Variants in MAP3K5 observed in about 807,000 individuals in gnomAD.
The protein encoded by MAP3K5 is ASK-1.
Under a neutral mutation model 158.7 loss-of-function variants are expected in MAP3K5, and 56 were observed. That is an observed-to-expected ratio of 0.35 (90% CI 0.28 to 0.44). MAP3K5 has a LOEUF of 0.44. MAP3K5 is among the 20% of genes least tolerant of loss of function. The pLI is 1.00. For synonymous variants in MAP3K5, 579 were observed against 601.7 expected, an observed-to-expected ratio of 0.96 and a Z score of 0.55; for missense variants, 1,294 against 1,674.8, an observed-to-expected ratio of 0.77 and a Z score of 3.97.
chr6:136,606,292 A>C (rs1776097159), intron 18 of MAP3K5, among the ~76,000 whole-genome samples: 1 of 152,184 alleles, frequency 6.6e-6, no homozygotes, highest in South Asian at 2.1e-4. Flanking sequence ...CGGAGGTTGC[A>C]GTGAGCCGAG....
chr6:136,733,466 T>C (rs1054686293), intron 1 of MAP3K5, among the ~76,000 whole-genome samples: 18 of 152,326 alleles, frequency 1.2e-4, no homozygotes, highest in African/African-American at 3.8e-4. Context: ...GAAGAGATAT[T>C]TTCCTGATAT....
At chr6:136,600,309 A>G (rs1775818818) in intron 21 of MAP3K5, among the ~76,000 whole-genome samples, 2 of 149,244 alleles carry the variant, frequency 1.3e-5, no homozygotes, top group South Asian at 2.1e-4. Context: ...CTCCCACCTC[A>G]GCCTCCCTAG....
chr6:136,658,398 T>G (rs1420031347), intron 9 of MAP3K5, among the ~76,000 whole-genome samples: 1 of 135,086 alleles, frequency 7.4e-6, no homozygotes, highest in East Asian at 2.5e-4. Context: ...CACTGCAACC[T>G]CCGCCTCCTG....
chr6:136,557,862 G>A (rs1475749526), intron 29 of MAP3K5, 44 bp from the exon 30 acceptor site: 1 of 1,276,174 alleles, frequency 7.8e-7, no homozygotes, highest in African/African-American at 1.5e-5. Context: ...CATTTCATTT[G>A]AAACATTGCC....
At chr6:136,560,489 A>G (rs1393410139) in intron 28 of MAP3K5, among the ~76,000 whole-genome samples, 1 of 152,146 alleles carries the variant, frequency 6.6e-6, no homozygotes, top group African/African-American at 2.4e-5. Flanking sequence ...AAAAAACAAA[A>G]TCAAAAAAAG....
intron 2 of MAP3K5, among the ~76,000 whole-genome samples, chr6:136,711,713 T>C (rs927119088): frequency 6.6e-6 from 1 of 151,776 alleles, no homozygotes; most frequent in Non-Finnish European, 1.5e-5. Flanking sequence ...AGAAAATACC[T>C]TCTATCTCTC....
chr6:136,621,814 T>C (rs1194269871), intron 15 of MAP3K5, among the ~76,000 whole-genome samples: 5 of 152,178 alleles, frequency 3.3e-5, no homozygotes, highest in Admixed American at 2.0e-4. Flanking sequence ...TTGCCGGGCA[T>C]GGTGGCTCAC....
At chr6:136,660,795 C>T (rs1778973966) in intron 8 of MAP3K5, among the ~76,000 whole-genome samples, 1 of 152,136 alleles carries the variant, frequency 6.6e-6, no homozygotes, top group Non-Finnish European at 1.5e-5. Context: ...GAAAGTGACG[C>T]TAGTTCATCT....
At chr6:136,743,487 A>G (rs1782803479) in intron 1 of MAP3K5, among the ~76,000 whole-genome samples, 1 of 152,120 alleles carries the variant, frequency 6.6e-6, no homozygotes, top group South Asian at 2.1e-4. Context: ...TTGAGATACC[A>G]CTACACACCT....
intron 25 of MAP3K5, among the ~76,000 whole-genome samples, chr6:136,578,211 C>T (rs1243430113): frequency 1.3e-5 from 2 of 152,162 alleles, no homozygotes; most frequent in African/African-American, 2.4e-5. Flanking sequence ...GTTTGACTTC[C>T]TTAGAGCATG....
rs370906742 is a variant in MAP3K5 at position 136,737,029 on chromosome 6, A to ATGTG, written c.449-16444_449-16441dup. On this transcript the variant is annotated intron_variant, in intron 1 of 29. Coordinates refer to ENST00000359015, the MANE Select transcript of MAP3K5 (RefSeq NM_005923.4). ...TGACAAATTAATTTTACATATATAT[A>ATGTG]TGTGTGTGTATATATATATATATAT... 3.9e-4 allele frequency among the ~76,000 whole-genome samples: 47 copies of ATGTG among 120,518 alleles called. 1 individual carries two copies. Among genetic ancestry groups the ATGTG allele is most frequent in the African/African-American group, 1.4e-3 (43 of 31,422 alleles). The allele number at this position is 120,518 out of a possible 152,430, so 79.1% of individuals were successfully genotyped here.
intron 21 of MAP3K5, among the ~76,000 whole-genome samples, chr6:136,593,271 G>C (rs1263568099): frequency 2.6e-5 from 4 of 152,222 alleles, no homozygotes; most frequent in African/African-American, 9.6e-5. Context: ...GACATGAGCT[G>C]CTTCTTTATT....
chr6:136,605,800 GCTCTAT>G (rs1776074288), intron 18 of MAP3K5, among the ~76,000 whole-genome samples: 1 of 152,280 alleles, frequency 6.6e-6, no homozygotes, highest in Admixed American at 6.5e-5. Flanking sequence ...CATTTCCTTA[GCTCTAT>G]CTCTATTTTT....
intron 8 of MAP3K5, among the ~76,000 whole-genome samples, chr6:136,664,619 A>G (rs557390070): frequency 6.6e-6 from 1 of 152,332 alleles, no homozygotes; most frequent in African/African-American, 2.4e-5. Flanking sequence ...TTTAGATCTT[A>G]AGATTCAAGT....
chr6:136,604,521 G>GGCCTGGCA (rs1236666090), intron 19 of MAP3K5, among the ~76,000 whole-genome samples: 13 of 152,072 alleles, frequency 8.5e-5, no homozygotes, highest in African/African-American at 3.1e-4. Context: ...ACTTCCTGTT[G>GGCCTGGCA]GCCTGGCAGT....
intron 1 of MAP3K5, among the ~76,000 whole-genome samples, chr6:136,745,466 T>A (rs1582629378): frequency 6.6e-6 from 1 of 152,152 alleles, no homozygotes; most frequent in Non-Finnish European, 1.5e-5. Flanking sequence ...GCTCCCTGCC[T>A]CTGGCTGCTG....
At chr6:136,676,997 G>A (rs1256984599) in intron 7 of MAP3K5, among the ~76,000 whole-genome samples, 2 of 149,334 alleles carry the variant, frequency 1.3e-5, no homozygotes, top group African/African-American at 4.9e-5. Context: ...TCACTGTGTT[G>A]ATCAGGCTGG....
intron 1 of MAP3K5, among the ~76,000 whole-genome samples, chr6:136,720,929 G>A (rs896390805): frequency 6.6e-6 from 1 of 152,078 alleles, no homozygotes. Flanking sequence ...ACAGGCATGT[G>A]GCATCACGCC....
intron 1 of MAP3K5, among the ~76,000 whole-genome samples, chr6:136,731,041 G>C (rs951629892): frequency 2.0e-5 from 3 of 152,190 alleles, no homozygotes; most frequent in Admixed American, 2.0e-4. Context: ...ATGCATTCTT[G>C]GGAGGAGGAA....
Sources: gnomAD v4.1 joint callset for allele counts (sites outside exome capture counted in the v4.1 genomes callset) on GRCh38, gnomAD v4.1.1 for gene constraint, MANE v1.5 for transcripts, NCBI Gene and HGNC (gene_info 2026-07-23, HGNC 2026-07-21) for gene names.